The following SLC37A3 variants were observed in gnomAD, a reference collection of about 807,000 sequenced individuals.
SLC37A3 encodes the protein solute carrier family 37 member 3.
In SLC37A3, 51 loss-of-function variants were observed where a neutral mutation model predicts 67.1. The ratio of observed to expected loss-of-function variants is 0.76; its 90% confidence interval spans 0.61 to 0.96. The LOEUF is 0.96. Among genes scored for constraint, SLC37A3 ranks in the 40% least tolerant of loss-of-function variants. The probability of loss-of-function intolerance (pLI) is 0.00; values close to 1 mark genes in which losing one functional copy is unlikely to be tolerated. For synonymous variants in SLC37A3, 214 were observed against 231.4 expected (o/e 0.92, Z 0.68); for missense variants, 508 against 603.0 (o/e 0.84, Z 1.65).
intron 5 of SLC37A3, among the ~76,000 whole-genome samples, chr7:140,359,489 G>T (rs1187063227): frequency 1.3e-5 from 2 of 152,336 alleles, no homozygotes; most frequent in East Asian, 3.9e-4. Context: ...CCGGAGCAGT[G>T]CCAGGTGCTG....
chr7:140,351,186 A>G lies in SLC37A3; in HGVS notation c.882+87T>C, dbSNP rs1796778728. The G allele has an allele frequency of 4.5e-6, 6 of 1,330,758 alleles. No individual in the cohort carries two copies. In the South Asian group the frequency reaches 5.7e-5, roughly 13 times the overall value. The allele number at this position is 1,330,758 out of a possible 1,614,324, so 82.4% of individuals were successfully genotyped here. A position where few individuals can be genotyped will look rare whatever the true frequency, so the allele number is the denominator to read the frequency against. On this transcript the variant is annotated intron_variant, in intron 9 of 14. Transcript: ENST00000326232. ...AAATAAAGTATCCAACAGAGGCTCAATACTTAAGGAAGCTTTATCTCAGGC... is the reference window on the plus strand; with the variant it reads ...AAATAAAGTATCCAACAGAGGCTCAGTACTTAAGGAAGCTTTATCTCAGGC...
At chr7:140,338,066 A>AT (rs1796214170) in intron 13 of SLC37A3, among the ~76,000 whole-genome samples, 1 of 151,728 alleles carries the variant, frequency 6.6e-6, no homozygotes, top group Non-Finnish European at 1.5e-5. Context: ...AATTTTTTGT[A>AT]TTTTTAGTAG....
In SLC37A3 at chr7:140,351,258, G is replaced by A. The variant is rs1487737157; in HGVS notation, c.882+15C>T. On this transcript the variant is annotated intron_variant, in intron 9 of 14. Transcript: ENST00000326232. ...CATACCTCCCTGGCTGTGGTAAGAT[G>A]TAAGCGGTCCTTACCGGTATGACTC... The A allele has an allele frequency of 3.7e-6, 6 of 1,610,174 alleles. No homozygotes were observed. The highest frequency in any genetic ancestry group is 2.2e-5 in the East Asian group (1 of 44,852).
chr7:140,362,636 C>T (rs1467457391), intron 5 of SLC37A3, among the ~76,000 whole-genome samples: 1 of 71,120 alleles, frequency 1.4e-5, no homozygotes, highest in Non-Finnish European at 3.1e-5. Context: ...AAGTGAGGAC[C>T]CCTCTGCCCG....
At chr7:140,349,240 A>T (rs1796697667) in intron 9 of SLC37A3, among the ~76,000 whole-genome samples, 1 of 152,226 alleles carries the variant, frequency 6.6e-6, no homozygotes, top group Non-Finnish European at 1.5e-5. Context: ...TTGCCAAGGC[A>T]ACACTGTGAA....
chr7:140,359,246 G>A (rs1797164530), intron 5 of SLC37A3, among the ~76,000 whole-genome samples: 1 of 151,960 alleles, frequency 6.6e-6, no homozygotes, highest in Non-Finnish European at 1.5e-5. Context: ...AGGAGGCTGA[G>A]GCAGGAGAAT....
intron 2 of SLC37A3, among the ~76,000 whole-genome samples, chr7:140,381,702 T>C (rs1444608887): frequency 6.6e-6 from 1 of 152,050 alleles, no homozygotes; most frequent in Non-Finnish European, 1.5e-5. Flanking sequence ...ATCACCTTTG[T>C]TCTCCAGCTC....
chr7:140,387,671 T>C (rs1441778853), intron 1 of SLC37A3, among the ~76,000 whole-genome samples: 3 of 112,734 alleles, frequency 2.7e-5, no homozygotes, highest in East Asian at 2.2e-4. Flanking sequence ...TATAAATATA[T>C]TATATATAAA....
chr7:140,360,389 C>T (rs80278345), intron 5 of SLC37A3, among the ~76,000 whole-genome samples: 19,003 of 152,032 alleles, frequency 0.12, 1,357 homozygotes, highest in South Asian at 0.19. Context: ...TCCATGGTTT[C>T]ATTTAATCAA....
At chr7:140,369,716 G>A (rs1797745623) in intron 3 of SLC37A3, 34 bp from the exon 4 acceptor site, 2 of 1,574,136 alleles carry the variant, frequency 1.3e-6, no homozygotes, top group Non-Finnish European at 1.7e-6. Context: ...GTCAGTCCCT[G>A]TAGAATCTGC....
chr7:140,343,870 C>A, intron 12 of SLC37A3: 2 of 292,896 alleles, frequency 6.8e-6, no homozygotes, highest in Middle Eastern at 1.2e-3. Context: ...ACTAGCTTGT[C>A]AAATAAATTC....
chr7:140,351,292 C>T lies in SLC37A3; in HGVS notation c.863G>A (p.Cys288Tyr), dbSNP rs1363890059. Residue 288 changes from cysteine to tyrosine, a missense_variant, in exon 9 of 15, where the codon TGC becomes TAC. By Grantham distance (194) the Cys-to-Tyr change is radical. Transcript: ENST00000326232. ...VKAISFYQAC[C>Y]LPGVIPYSLA... ...CCTTACCGGTATGACTCCAGGAAGG[C>T]AACATGCCTGGTAGAAGCTTATCGC... The T allele has an allele frequency of 4.3e-6, 7 of 1,613,920 alleles. No individual in the cohort carries two copies. The African/African-American group carries it at 6.7e-5, about 15-fold the overall frequency.
rs1387479479 is a variant in SLC37A3 at position 140,351,150 on chromosome 7, G to A, written c.882+123C>T. On this transcript the variant is annotated intron_variant, in intron 9 of 14. Transcript: ENST00000326232. ...GGCACTAGACAACATTCCTCAGCACGTATATTCCTAAAATAAAGTATCCAA... is the reference window on the plus strand; with the variant it reads ...GGCACTAGACAACATTCCTCAGCACATATATTCCTAAAATAAAGTATCCAA... The A allele has an allele frequency of 1.5e-5, 14 of 944,830 alleles. No homozygotes were observed. The East Asian group carries it at 2.4e-4, about 16-fold the overall frequency. 58.5% of individuals were successfully genotyped at this position (944,830 alleles called of 1,614,324 possible). A position where few individuals can be genotyped will look rare whatever the true frequency, so the allele number is the denominator to read the frequency against.
At chr7:140,383,267 A>G (rs980174861) in intron 1 of SLC37A3, among the ~76,000 whole-genome samples, 1 of 152,082 alleles carries the variant, frequency 6.6e-6, no homozygotes, top group African/African-American at 2.4e-5. Flanking sequence ...GCCTATAAAC[A>G]AAAGTATTTT....
intron 13 of SLC37A3, among the ~76,000 whole-genome samples, chr7:140,342,757 G>C (rs765469642): frequency 0.03 from 4,544 of 152,186 alleles, 214 homozygotes; most frequent in African/African-American, 0.1. Flanking sequence ...ATCTGAGTGT[G>C]GAAGAATCAC....
chr7:140,362,239 G>A (rs1319850231), intron 5 of SLC37A3, among the ~76,000 whole-genome samples: 6 of 142,028 alleles, frequency 4.2e-5, no homozygotes, highest in African/African-American at 1.3e-4. Context: ...CTGCTGGGCC[G>A]CAACCCTGTC....
chr7:140,384,906 C>T (rs1798393793), intron 1 of SLC37A3, among the ~76,000 whole-genome samples: 2 of 152,162 alleles, frequency 1.3e-5, no homozygotes, highest in Non-Finnish European at 1.5e-5. Context: ...TGTTACACTA[C>T]TTATTTTCAC....
chr7:140,396,889 T>G (rs931052551), intron 1 of SLC37A3, among the ~76,000 whole-genome samples: 3 of 75,890 alleles, frequency 4.0e-5, no homozygotes, highest in South Asian at 3.4e-4. Context: ...TCTGTTTTTT[T>G]TTTTGTTTTT....
chr7:140,337,328 C>A lies in SLC37A3; in HGVS notation c.1348G>T (p.Asp450Tyr). 1 of 1,598,778 alleles carries A rather than the reference C, an allele frequency of 6.3e-7. No individual in the cohort carries two copies. The highest frequency in any genetic ancestry group is 1.4e-5 in the African/African-American group (1 of 73,968). ...VGQYLVSLIRDKLGWMWVFYF... is the reference protein window; with the variant it reads ...VGQYLVSLIRYKLGWMWVFYF... ...AAAACCCACATCCATCCTAGCTTGTCCCGGATCAGAGACACTAAATACTGA... is the reference window on the plus strand; with the variant it reads ...AAAACCCACATCCATCCTAGCTTGTACCGGATCAGAGACACTAAATACTGA... Residue 450 changes from aspartate (D) to tyrosine (Y), a missense_variant, in exon 14 of 15, where the codon GAC (aspartate) becomes TAC (tyrosine). Transcript: ENST00000326232.
Sources: gnomAD v4.1 joint callset for allele counts (sites outside exome capture counted in the v4.1 genomes callset) on GRCh38, gnomAD v4.1.1 for gene constraint, MANE v1.5 for transcripts, NCBI Gene and HGNC (gene_info 2026-07-23, HGNC 2026-07-21) for gene names.